The following EGFL6 variants were observed in gnomAD, a reference collection of about 807,000 sequenced individuals.
EGFL6 encodes the protein EGF like domain multiple 6, also known as epidermal growth factor-like protein 6.
Under a neutral mutation model 43.1 loss-of-function variants are expected in EGFL6, and 42 were observed. The observed-to-expected ratio is 0.98, with a 90% CI of 0.76 to 1.26. The LOEUF (loss-of-function observed/expected upper bound fraction) is 1.26. Among genes scored for constraint, EGFL6 ranks in the 50% most tolerant of loss-of-function variants. The pLI is 0.00. For missense variants in EGFL6, 429 were observed against 427.8 expected (o/e 1.00, Z -0.02); for synonymous variants, 164 against 163.2 (o/e 1.01, Z -0.04).
intron 1 of EGFL6, among the ~76,000 whole-genome samples, chrX:13,587,848 A>G (rs2045542035): frequency 8.9e-6 from 1 of 112,238 alleles, no homozygotes; most frequent in Non-Finnish European, 1.9e-5. Context: ...TACTTGGTAC[A>G]TAGCAAATGC....
chrX:13,590,253 A>G (rs1481076120), intron 2 of EGFL6: 4 of 112,787 alleles, frequency 3.5e-5, no homozygotes, highest in Non-Finnish European at 5.6e-5. Context: ...TTCTCAGACT[A>G]TGTGTTAGGA....
chrX:13,589,429 T>G, intron 1 of EGFL6, 127 bp from the exon 2 acceptor site: 1 of 500,326 alleles, frequency 2.0e-6, no homozygotes, highest in Non-Finnish European at 3.0e-6. Context: ...AAATCTAATT[T>G]AGCACTTACT....
At chrX:13,582,819 TTGAC>T (rs1247350406) in intron 1 of EGFL6, among the ~76,000 whole-genome samples, 27 of 111,696 alleles carry the variant, frequency 2.4e-4, no homozygotes, top group African/African-American at 8.8e-4. Flanking sequence ...GTAATTGACT[TTGAC>T]TGGTACATAT....
Position 13,619,188 on chromosome X carries a change from A to T in EGFL6, c.1128A>T (p.Glu376Asp). 8.3e-7 allele frequency: 1 copy of T among 1,211,602 alleles called. No homozygotes were observed. The highest frequency in any genetic ancestry group is 1.7e-5 in the African/African-American group (1 of 57,822). Residue 376 changes from glutamate to aspartate, a missense_variant, in exon 9 of 12, where the codon GAA becomes GAT. Glu to Asp is a conservative substitution (Grantham distance 45). Transcript: ENST00000361306. The stretch of plus-strand genomic sequence containing the variant: ...TCCCTAAGGTGAATGAAGCAGGTGA[A>T]TTCGGCCTGATTCTGGTCCAAAGGA... Reference protein sequence around the residue: ...VFFPKVNEAGEFGLILVQRKA... With the variant: ...VFFPKVNEAGDFGLILVQRKA...
intron 6 of EGFL6, among the ~76,000 whole-genome samples, chrX:13,607,932 A>G (rs991026412): frequency 8.9e-6 from 1 of 112,508 alleles, no homozygotes; most frequent in African/African-American, 3.2e-5. Flanking sequence ...GATGATGTCA[A>G]CGGTTCCTAG....
At chrX:13,632,916 T>G in intron 11 of EGFL6, 69 bp from the exon 12 acceptor site, 2 of 1,020,521 alleles carry the variant, frequency 2.0e-6, no homozygotes, top group East Asian at 6.2e-5. Context: ...TAATAGCTAT[T>G]AAATAGCTTG....
rs759842103 is a variant in EGFL6, at chrX:13,597,521, C to T, written c.281-2454C>T. Reference sequence around the variant, plus strand: ...CATTCAGGGTGGGCACAGTGGCTCACACCTGTAATTCCGGCACTTAGGGAG... The same window carrying T: ...CATTCAGGGTGGGCACAGTGGCTCATACCTGTAATTCCGGCACTTAGGGAG... On this transcript the variant is annotated intron_variant, in intron 3 of 11. Coordinates refer to ENST00000361306, the MANE Select transcript of EGFL6 (RefSeq NM_015507.4). Among the ~76,000 whole-genome samples, 3 of 112,202 alleles carry T rather than the reference C, an allele frequency of 2.7e-5. No homozygotes were observed. The South Asian group carries it at 1.1e-3, about 42-fold the overall frequency.
In EGFL6 at chrX:13,627,164, T is replaced by G. The variant is rs769347856; in HGVS notation, c.1439T>G (p.Val480Gly). 5 of 1,212,089 alleles carry G rather than the reference T, an allele frequency of 4.1e-6. No homozygotes were observed. In the South Asian group the frequency reaches 7.0e-5, roughly 17 times the overall value. Reference protein sequence around the residue: ...LAGDKVGKLRVFVKNSNNALA... With the variant: ...LAGDKVGKLRGFVKNSNNALA... ...GGAGACAAAGTCGGGAAACTTCGAG[T>G]GTTTGTGAAAAACAGTAACAATGCC... Residue 480 changes from valine (V) to glycine (G), a missense_variant, in exon 11 of 12, where the codon GTG (valine) becomes GGG (glycine). Transcript: ENST00000361306.
At position 13,617,720 on chromosome X, in the gene EGFL6, T is replaced by C. The variant is rs757542143; in HGVS notation, c.779-10T>C. 8.5e-7 allele frequency: 1 copy of C among 1,175,793 alleles called. No homozygotes were observed. The highest frequency in any genetic ancestry group is 1.1e-6 in the Non-Finnish European group (1 of 874,679). ...CCAATTTGGAACATATTGCCTCTTA[T>C]TTGTTTTAGCTATCCCTGAAAATTC... On this transcript the variant is annotated splice_polypyrimidine_tract_variant and intron_variant, in intron 7 of 11. Transcript: ENST00000361306.
intron 1 of EGFL6, among the ~76,000 whole-genome samples, chrX:13,583,779 G>A (rs960192874): frequency 1.8e-5 from 2 of 111,650 alleles, no homozygotes; most frequent in Admixed American, 1.9e-4. Flanking sequence ...GATGTGCCTC[G>A]CAGACATCCA....
intron 1 of EGFL6, among the ~76,000 whole-genome samples, chrX:13,572,259 A>G (rs2045447263): frequency 8.9e-6 from 1 of 111,875 alleles, no homozygotes; most frequent in Admixed American, 9.5e-5. Flanking sequence ...GACCAGTCCA[A>G]GTTGAGATGT....
At position 13,617,976 on chromosome X, in the gene EGFL6, G is replaced by A; in HGVS notation, c.1025G>A (p.Gly342Glu). Residue 342 changes from glycine (G) to glutamate (E), a missense_variant, in exon 8 of 12, where the codon GGG becomes GAG. Transcript: ENST00000361306. ...GGGAATGAAGAGAAAATGAAAGAGG[G>A]GCTTGAGGATGAGAAAAGAGAAGAG... ...KKGNEEKMKE[G>E]LEDEKREEKA... 1 of 1,211,645 alleles carries A rather than the reference G, an allele frequency of 8.3e-7. No homozygotes were observed. The highest frequency in any genetic ancestry group is 1.8e-5 in the South Asian group (1 of 56,956).
chrX:13,570,156 TG>T (rs759298709), intron 1 of EGFL6, among the ~76,000 whole-genome samples: 116 of 111,827 alleles, frequency 1.0e-3, no homozygotes, highest in African/African-American at 3.3e-3. Flanking sequence ...TAGCTCCTTT[TG>T]CATCAGCTGT....
At chrX:13,611,900 A>G (rs1312558522) in intron 7 of EGFL6, among the ~76,000 whole-genome samples, 1 of 112,188 alleles carries the variant, frequency 8.9e-6, no homozygotes, top group Non-Finnish European at 1.9e-5. Flanking sequence ...GTCATTTACT[A>G]TATTACTTGT....
chrX:13,587,852 CA>C (rs1340479945), intron 1 of EGFL6, among the ~76,000 whole-genome samples: 1 of 111,975 alleles, frequency 8.9e-6, no homozygotes, highest in Non-Finnish European at 1.9e-5. Context: ...TGGTACATAG[CA>C]AATGCACAAT....
chrX:13,601,577 C>T (rs1012156393), intron 4 of EGFL6, among the ~76,000 whole-genome samples: 2 of 111,754 alleles, frequency 1.8e-5, no homozygotes, highest in African/African-American at 6.5e-5. Flanking sequence ...TGGGTTTTCC[C>T]GAGATTATAA....
Position 13,617,953 on chromosome X carries a change from G to C in EGFL6, c.1002G>C (p.Gly334=), listed in dbSNP as rs1386765771. The change falls in exon 8 of 12, where the codon GGG becomes GGC. Residue 334 remains glycine, a synonymous_variant. Transcript: ENST00000361306. ...RGGNSHGGKK[G]NEEKMKEGLE... ...GGAACTCTCATGGAGGTAAAAAAGG[G>C]AATGAAGAGAAAATGAAAGAGGGGC... The C allele has an allele frequency of 2.5e-6, 3 of 1,210,023 alleles. No homozygotes were observed. Among genetic ancestry groups the C allele is most frequent in the Non-Finnish European group, 3.4e-6 (3 of 895,198 alleles).
intron 10 of EGFL6, chrX:13,624,987 A>G (rs1395653398): frequency 8.9e-6 from 1 of 111,997 alleles, no homozygotes; most frequent in Non-Finnish European, 1.9e-5. Context: ...TATCTTGTTG[A>G]TAACTAACCT....
At chrX:13,583,494 C>A (rs2045518822) in intron 1 of EGFL6, among the ~76,000 whole-genome samples, 1 of 111,424 alleles carries the variant, frequency 9.0e-6, no homozygotes, top group Non-Finnish European at 1.9e-5. Flanking sequence ...TAGTACAGTG[C>A]CTGATGTGTG....
Sources: allele counts gnomAD v4.1 joint callset (sites outside exome capture counted in the v4.1 genomes callset), GRCh38; gene constraint gnomAD v4.1.1; transcripts MANE v1.5; gene names NCBI Gene and HGNC (gene_info 2026-07-23, HGNC 2026-07-21).